Variants in NRCAM observed in about 807,000 individuals in gnomAD.
The protein encoded by NRCAM is neuronal cell adhesion molecule, also known as NgCAM-related cell adhesion molecule.
NRCAM carries 83 observed loss-of-function variants against 156.5 expected under a neutral mutation model. That is an observed-to-expected ratio of 0.53 (90% CI 0.44 to 0.64). NRCAM has a LOEUF of 0.64. Among genes scored for constraint, NRCAM ranks in the 30% least tolerant of loss-of-function variants. NRCAM has a pLI of 0.00. For missense variants in NRCAM, 1,417 were observed against 1,597.3 expected (o/e 0.89, Z 1.92); for synonymous variants, 538 against 563.9 (o/e 0.95, Z 0.65).
At chr7:108,340,542 A>T (rs2099264272) in intron 2 of NRCAM, among the ~76,000 whole-genome samples, 1 of 152,192 alleles carries the variant, frequency 6.6e-6, no homozygotes, top group African/African-American at 2.4e-5. Flanking sequence ...ACAGGATGAC[A>T]ACAGAGGAAA....
chr7:108,271,472 C>A (rs181316202), intron 3 of NRCAM, among the ~76,000 whole-genome samples: 192 of 152,184 alleles, frequency 1.3e-3, no homozygotes, highest in African/African-American at 4.2e-3. Context: ...CTAACGCGGG[C>A]AGATCACTTG....
chr7:108,420,777 T>A (rs1808532624), intron 1 of NRCAM, among the ~76,000 whole-genome samples: 1 of 152,210 alleles, frequency 6.6e-6, no homozygotes, highest in Non-Finnish European at 1.5e-5. Context: ...GTGCATAACC[T>A]AGATGGCTCA....
At position 108,176,513 on chromosome 7, in the gene NRCAM, C is replaced by T. The variant is rs981234945; in HGVS notation, c.3068G>A (p.Arg1023Gln). 5.0e-6 allele frequency: 8 copies of T among 1,613,460 alleles called. No individual in the cohort carries two copies. Among genetic ancestry groups the T allele is most frequent in the African/African-American group, 4.0e-5 (3 of 74,860 alleles). Residue 1023 changes from arginine (R) to glutamine (Q), a missense_variant, in exon 27 of 33, where the codon CGA (arginine) becomes CAA (glutamine). Coordinates refer to ENST00000379028, the MANE Select transcript of NRCAM (RefSeq NM_001037132.4). ...TTGTGCATAGAAATAAAACTTATAT[C>T]GAGTGCTGAAATTTAAATTTTTTAA... is the stretch of plus-strand genomic sequence containing the variant. ...WTLKNLNFSTRYKFYFYAQTS... is the reference protein window; with the variant it reads ...WTLKNLNFSTQYKFYFYAQTS...
At chr7:108,260,971 T>C (rs531469263) in intron 3 of NRCAM, among the ~76,000 whole-genome samples, 17 of 152,228 alleles carry the variant, frequency 1.1e-4, no homozygotes, top group African/African-American at 4.1e-4. Flanking sequence ...GTTGATTGCA[T>C]AGAGGCATCT....
intron 17 of NRCAM, 84 bp downstream of exon 17, chr7:108,193,940 A>G (rs2073665499): frequency 1.5e-6 from 2 of 1,370,388 alleles, no homozygotes; most frequent in Admixed American, 2.1e-5. Flanking sequence ...AAACATCACC[A>G]TAATTGACTA....
intron 2 of NRCAM, among the ~76,000 whole-genome samples, chr7:108,354,583 G>T (rs74733183): frequency 0.013 from 1,970 of 152,276 alleles, 20 homozygotes; most frequent in Non-Finnish European, 0.02. Context: ...AATTATGCTG[G>T]ATAAGAACAA....
chr7:108,352,427 G>A (rs2099420020), intron 2 of NRCAM, among the ~76,000 whole-genome samples: 1 of 152,302 alleles, frequency 6.6e-6, no homozygotes, highest in South Asian at 2.1e-4. Flanking sequence ...CTTCAAAAGT[G>A]AGATTTGGTT....
intron 28 of NRCAM, 50 bp from the exon 29 acceptor site, chr7:108,168,452 A>G: frequency 6.8e-7 from 1 of 1,462,332 alleles, no homozygotes; most frequent in South Asian, 1.5e-5. Flanking sequence ...GCAACACCAT[A>G]CACACGAATA....
In NRCAM at chr7:108,191,255, G is replaced by A. The variant is rs775186263; in HGVS notation, c.1932C>T (p.Tyr644=). The A allele has an allele frequency of 2.4e-5, 39 of 1,604,542 alleles. 1 individual carries two copies. The highest frequency in any genetic ancestry group is 1.9e-4 in the Admixed American group (11 of 59,018). ...GAAAGAAGACTCATATTAGTTTACC[G>A]TAAACGGGAGCTGGAGTTGGAGTAG... ...VAPTPTPAPV[Y]DVPNPPFDLE... The change falls in exon 19 of 33, where the codon TAC becomes TAT. Residue 644 remains tyrosine, a splice_region_variant and synonymous_variant. Transcript: ENST00000379028.
chr7:108,232,788 C>T (rs1465890637), intron 6 of NRCAM, among the ~76,000 whole-genome samples: 1 of 152,090 alleles, frequency 6.6e-6, no homozygotes, highest in Non-Finnish European at 1.5e-5. Context: ...AATTGCCTGT[C>T]ATTTTTCTAA....
chr7:108,197,925 T>A (rs905691677), intron 14 of NRCAM, 31 bp downstream of exon 14: 1 of 1,512,006 alleles, frequency 6.6e-7, no homozygotes, highest in Non-Finnish European at 8.8e-7. Context: ...TTAATTTAAT[T>A]TGCCATGTCT....
intron 11 of NRCAM, among the ~76,000 whole-genome samples, chr7:108,215,731 CT>C (rs60725485): frequency 0.47 from 59,769 of 127,432 alleles, 11,212 homozygotes; most frequent in East Asian, 0.7. Flanking sequence ...CAACCCCTGC[CT>C]TTTTTTTTTT....
At chr7:108,363,438 C>A in intron 2 of NRCAM, among the ~76,000 whole-genome samples, 1 of 152,150 alleles carries the variant, frequency 6.6e-6, no homozygotes, top group East Asian at 1.9e-4. Context: ...GCGTGTGCCA[C>A]CATGCCCAGC....
At chr7:108,279,312 C>A (rs1218449017) in intron 3 of NRCAM, among the ~76,000 whole-genome samples, 2 of 152,172 alleles carry the variant, frequency 1.3e-5, no homozygotes, top group African/African-American at 4.8e-5. Flanking sequence ...GACATTTTTA[C>A]ATACTCACAA....
At chr7:108,408,273 A>T (rs1791001413) in intron 1 of NRCAM, among the ~76,000 whole-genome samples, 1 of 152,236 alleles carries the variant, frequency 6.6e-6, no homozygotes, top group South Asian at 2.1e-4. Flanking sequence ...TAAGAGCCCA[A>T]CATTCTCTTA....
chr7:108,247,637 G>A (rs1368881446), intron 3 of NRCAM, among the ~76,000 whole-genome samples: 1 of 142,604 alleles, frequency 7.0e-6, no homozygotes, highest in Admixed American at 6.9e-5. Flanking sequence ...TGTAAATTAT[G>A]CCTAATTTAT....
intron 3 of NRCAM, among the ~76,000 whole-genome samples, chr7:108,267,330 T>C (rs772705415): frequency 9.9e-5 from 15 of 152,236 alleles, no homozygotes; most frequent in Non-Finnish European, 1.9e-4. Flanking sequence ...CCTTTGATTT[T>C]GCTGTTGCCA....
intron 28 of NRCAM, among the ~76,000 whole-genome samples, chr7:108,170,383 A>G (rs935599281): frequency 6.6e-6 from 1 of 152,196 alleles, no homozygotes; most frequent in Non-Finnish European, 1.5e-5. Context: ...CTAAAGGGAA[A>G]AGTCAATCTG....
chr7:108,363,945 C>T (rs1240652225), intron 2 of NRCAM, among the ~76,000 whole-genome samples: 1 of 151,798 alleles, frequency 6.6e-6, no homozygotes, highest in African/African-American at 2.4e-5. Flanking sequence ...ATATGGTATC[C>T]TAGATAGGAT....
Sources: gnomAD v4.1 joint callset for allele counts (sites outside exome capture counted in the v4.1 genomes callset) on GRCh38, gnomAD v4.1.1 for gene constraint, MANE v1.5 for transcripts, NCBI Gene and HGNC (gene_info 2026-07-23, HGNC 2026-07-21) for gene names.